The following NODAL variants were observed in gnomAD, a reference collection of about 807,000 sequenced individuals.
NODAL encodes nodal growth differentiation factor, also known as nodal homolog.
A neutral mutation model predicts 34.0 loss-of-function variants in NODAL; 12 were observed. The ratio of observed to expected loss-of-function variants is 0.35; its 90% CI spans 0.23 to 0.57. NODAL has a LOEUF of 0.57. NODAL is among the 20% of genes least tolerant of loss of function. NODAL has a pLI of 0.83. For missense variants in NODAL, 390 were observed against 444.2 expected (o/e 0.88, Z 1.10); for synonymous variants, 162 against 186.4 (o/e 0.87, Z 1.07).
chr10:70,432,274 G>A lies in NODAL; in HGVS notation c.*662C>T, dbSNP rs1470175121. On this transcript the variant is annotated 3_prime_UTR_variant, in exon 3 of 3. Transcript: ENST00000287139. ...CAACATGGCCGGTCCTCTTGGATGA[G>A]TTCCTGCCTCTGCCTTCACAGGCAC... 1.9e-5 allele frequency: 3 copies of A among 156,466 alleles called. No individual in the cohort carries two copies. The highest frequency in any genetic ancestry group is 7.2e-5 in the African/African-American group (3 of 41,480). 9.7% of individuals were successfully genotyped at this position (156,466 alleles called of 1,614,324 possible).
Position 70,441,644 on chromosome 10 carries a change from G to C in NODAL, c.24C>G (p.Phe8Leu). Residue 8 changes from phenylalanine to leucine, a missense_variant, in exon 1 of 3, where the codon TTC becomes TTG. Transcript: ENST00000287139. ...GTAGGGCCCACCAGGCGTGCAGAAG[G>C]AAGGGCAGGCAGTGGGCGTGCATGG... is the stretch of plus-strand genomic sequence containing the variant. The part of the protein sequence containing the change: MHAHCLP[F>L]LLHAWWALLQ... The C allele has an allele frequency of 2.6e-6, 4 of 1,550,726 alleles. No homozygotes were observed. The highest frequency in any genetic ancestry group is 2.6e-6 in the Non-Finnish European group (3 of 1,147,696).
At chr10:70,439,191 G>A (rs1371958664) in intron 1 of NODAL, among the ~76,000 whole-genome samples, 1 of 152,178 alleles carries the variant, frequency 6.6e-6, no homozygotes, top group Non-Finnish European at 1.5e-5. Flanking sequence ...TTTTAGTAGA[G>A]ACAGGGTTTC....
chr10:70,440,454 G>T (rs1018586077), intron 1 of NODAL, among the ~76,000 whole-genome samples: 7 of 152,148 alleles, frequency 4.6e-5, no homozygotes, highest in Admixed American at 4.6e-4. Flanking sequence ...GGGAGCGAAG[G>T]GCCCCCGGCA....
chr10:70,438,215 A>T (rs1322818160), intron 1 of NODAL, among the ~76,000 whole-genome samples: 1 of 152,038 alleles, frequency 6.6e-6, no homozygotes, highest in African/African-American at 2.4e-5. Context: ...AATCGCTTGA[A>T]CCCAGGAGGT....
At chr10:70,441,818 G>C, upstream of NODAL, 1 of 835,438 alleles carries the variant, frequency 1.2e-6, no homozygotes, top group Non-Finnish European at 1.9e-6. Context: ...CCTCCTGCTG[G>C]GGATGGGCGA....
At chr10:70,435,045 T>C in intron 2 of NODAL, 1 of 533,622 alleles carries the variant, frequency 1.9e-6, no homozygotes. Flanking sequence ...AAGACAAGGA[T>C]AAAGTCCCAG....
chr10:70,435,291 T>G lies in NODAL; in HGVS notation c.886A>C (p.Ile296Leu). Residue 296 changes from isoleucine to leucine, a missense_variant, in exon 2 of 3, where the codon ATC (isoleucine) becomes CTC (leucine). Physicochemically the swap from Ile to Leu is conservative, Grantham distance 5 (BLOSUM62 2). Coordinates refer to ENST00000287139, the MANE Select transcript of NODAL (RefSeq NM_018055.5). ...CCTCACGCCTGGCATCCCACCTGGA[T>G]GTATGCATGGTTGGTCGGATGAAAC... ...EEFHPTNHAYIQSLLKRYQPH... is the reference protein window; with the variant it reads ...EEFHPTNHAYLQSLLKRYQPH... The G allele has an allele frequency of 1.9e-6, 3 of 1,609,126 alleles. No homozygotes were observed. The highest frequency in any genetic ancestry group is 2.5e-6 in the Non-Finnish European group (3 of 1,177,536).
chr10:70,439,929 G>C (rs1564668678), intron 1 of NODAL, among the ~76,000 whole-genome samples: 1 of 152,224 alleles, frequency 6.6e-6, no homozygotes, highest in Non-Finnish European at 1.5e-5. Context: ...AAAAATAGCT[G>C]GGCGCAGTGG....
At chr10:70,440,826 T>C (rs1182574487) in intron 1 of NODAL, among the ~76,000 whole-genome samples, 1 of 152,178 alleles carries the variant, frequency 6.6e-6, no homozygotes. Flanking sequence ...AGTTCGCGAC[T>C]TCGGGACAGC....
At chr10:70,439,895 ACT>A (rs1281557196) in intron 1 of NODAL, among the ~76,000 whole-genome samples, 1 of 152,044 alleles carries the variant, frequency 6.6e-6, no homozygotes, top group Non-Finnish European at 1.5e-5. Context: ...ATATGGTGAA[ACT>A]CTGTGTCTAC....
intron 1 of NODAL, among the ~76,000 whole-genome samples, chr10:70,438,358 G>T (rs1211059139): frequency 6.6e-6 from 1 of 152,168 alleles, no homozygotes; most frequent in African/African-American, 2.4e-5. Context: ...ATGGTTAAGA[G>T]CAGGGGCCCC....
Position 70,435,886 on chromosome 10 carries a change from C to T in NODAL, c.291G>A (p.Leu97=), listed in dbSNP as rs573038805. The change falls in exon 2 of 3, where the codon CTG becomes CTA. Residue 97 remains leucine (L), a synonymous_variant. Transcript: ENST00000287139. ...DLAWAELRLQ[L]SSPVDLPTEG... ...CAGTGGGGAGGTCCACAGGGCTGGA[C>T]AGCTGCAGCCGGAGCTCAGCCCATG... 7.2e-5 allele frequency: 117 copies of T among 1,614,122 alleles called. 3 individuals are homozygous for T. The South Asian group carries it at 1.3e-3, about 17-fold the overall frequency.
At chr10:70,445,283 A>AGTC (rs1845475892), upstream of NODAL, among the ~76,000 whole-genome samples, 1 of 152,064 alleles carries the variant, frequency 6.6e-6, no homozygotes, top group Non-Finnish European at 1.5e-5. Flanking sequence ...TTTGAGACGG[A>AGTC]GTCTCGCTCT....
In NODAL at chr10:70,435,745, G is replaced by A; in HGVS notation, c.432C>T (p.Val144=). 1 of 1,614,176 alleles carries A rather than the reference G, an allele frequency of 6.2e-7. No homozygotes were observed. The highest frequency in any genetic ancestry group is 8.5e-7 in the Non-Finnish European group (1 of 1,180,030). Residue 144 remains valine, a synonymous_variant, in exon 2 of 3, where the codon GTC becomes GTT. Coordinates refer to ENST00000287139, the MANE Select transcript of NODAL (RefSeq NM_018055.5). ...AAACCATGCTGCCCAAGGAAAAGGT[G>A]ACCTGGGACAAAGTGACAGTGAATA... The part of the protein sequence containing the change: ...MDLFTVTLSQ[V]TFSLGSMVLE...
rs1343657588 is a variant in NODAL at position 70,435,853 on chromosome 10, T to A, written c.324A>T (p.Ser108=). Residue 108 remains serine (S), a synonymous_variant, in exon 2 of 3, where the codon TCA becomes TCT. Coordinates refer to ENST00000287139, the MANE Select transcript of NODAL (RefSeq NM_018055.5). ...SSPVDLPTEG[S]LAIEIFHQPK... Reference sequence around the variant, plus strand: ...GCTGGTGGAAAATCTCAATGGCAAGTGAGCCCTCAGTGGGGAGGTCCACAG... The same window carrying A: ...GCTGGTGGAAAATCTCAATGGCAAGAGAGCCCTCAGTGGGGAGGTCCACAG... 6.2e-7 allele frequency: 1 copy of A among 1,614,122 alleles called. No homozygotes were observed.
upstream of NODAL, among the ~76,000 whole-genome samples, chr10:70,444,937 C>G (rs1462551180): frequency 6.6e-6 from 1 of 152,120 alleles, no homozygotes; most frequent in Non-Finnish European, 1.5e-5. Flanking sequence ...CACCCTCATC[C>G]AGGTCATGCA....
intron 2 of NODAL, among the ~76,000 whole-genome samples, chr10:70,433,574 C>G (rs1275225641): frequency 6.6e-6 from 1 of 152,054 alleles, no homozygotes; most frequent in Non-Finnish European, 1.5e-5. Context: ...GCCACCATGC[C>G]TGGCTAATTT....
At chr10:70,436,032 C>A in intron 1 of NODAL, 49 bp from the exon 2 acceptor site, 1 of 1,506,604 alleles carries the variant, frequency 6.6e-7, no homozygotes, top group Non-Finnish European at 9.2e-7. Context: ...AGGGCCTCCC[C>A]CAGCCTCAGT....
In NODAL at chr10:70,432,654, C is replaced by T; in HGVS notation, c.*282G>A. On this transcript the variant is annotated 3_prime_UTR_variant, in exon 3 of 3. Transcript: ENST00000287139. The stretch of plus-strand genomic sequence containing the variant: ...AAAAATCCAGTAAAGAACTCATGCA[C>T]TTGTGCTTTTCCTTGCCACTGTCTT... The T allele has an allele frequency of 2.1e-6, 1 of 478,334 alleles. No homozygotes were observed. Among genetic ancestry groups the T allele is most frequent in the Non-Finnish European group, 3.8e-6 (1 of 261,116 alleles). The allele number at this position is 478,334 out of a possible 1,614,324, so 29.6% of individuals were successfully genotyped here.
Sources: gnomAD v4.1 joint callset for allele counts (sites outside exome capture counted in the v4.1 genomes callset) on GRCh38, gnomAD v4.1.1 for gene constraint, MANE v1.5 for transcripts, NCBI Gene and HGNC (gene_info 2026-07-23, HGNC 2026-07-21) for gene names.